NACC2: variants seen among roughly 807,000 people sequenced by gnomAD.
The protein encoded by NACC2 is nucleus accumbens-associated protein 2.
A neutral mutation model predicts 25.1 loss-of-function variants in NACC2; 8 were observed. The ratio of observed to expected loss-of-function variants is 0.32; its 90% confidence interval spans 0.19 to 0.57. The LOEUF (loss-of-function observed/expected upper bound fraction) is 0.57, where lower values mean the gene tolerates loss of function less well. NACC2 is among the 20% of genes least tolerant of loss of function. NACC2 has a pLI of 0.89. For synonymous variants in NACC2, 435 were observed against 294.7 expected (o/e 1.48, Z -4.88); for missense variants, 644 against 650.2 (o/e 0.99, Z 0.10).
chr9:136,049,000 T>C (rs1051879676), intron 2 of NACC2, among the ~76,000 whole-genome samples: 6 of 152,226 alleles, frequency 3.9e-5, no homozygotes, highest in Non-Finnish European at 7.3e-5. Flanking sequence ...CACCCGATCC[T>C]GGGCACCAAC....
rs1483986743 is a variant in NACC2 at position 136,086,138 on chromosome 9, C to T, written c.-60+9051G>A. ...AGAAAACCAAGTCACCCCTGGGGAC[C>T]CTTGTTGGACATTCTAAAAACCTTC... On this transcript the variant is annotated intron_variant, in intron 1 of 5. Transcript: ENST00000277554. This position sits in a 1 kb window ranked among gnomAD's most constrained non-coding sequence, Gnocchi z 5.6. Among the ~76,000 whole-genome samples, 1 of 152,224 alleles carries T rather than the reference C, an allele frequency of 6.6e-6. No homozygotes were observed. The highest frequency in any genetic ancestry group is 1.5e-5 in the Non-Finnish European group (1 of 68,032).
intron 1 of NACC2, among the ~76,000 whole-genome samples, chr9:136,075,314 G>A (rs993299664): frequency 6.6e-6 from 1 of 152,248 alleles, no homozygotes; most frequent in Non-Finnish European, 1.5e-5. Flanking sequence ...CCGCCTGGCT[G>A]GGATACTTGG....
At chr9:136,065,328 T>A (rs1481498426) in intron 1 of NACC2, among the ~76,000 whole-genome samples, 1 of 151,870 alleles carries the variant, frequency 6.6e-6, no homozygotes, top group Non-Finnish European at 1.5e-5. Context: ...CTACAAAAAA[T>A]AAATAATTAG....
rs1165648140 is a variant in NACC2 at position 136,007,269 on chromosome 9, A to G, written c.*4247T>C. 2 of 154,426 alleles carry G rather than the reference A, an allele frequency of 1.3e-5. No homozygotes were observed. The highest frequency in any genetic ancestry group is 4.8e-5 in the African/African-American group (2 of 41,538). The allele number at this position is 154,426 out of a possible 1,614,324, so 9.6% of individuals were successfully genotyped here. A position where few individuals can be genotyped will look rare whatever the true frequency, so the allele number is the denominator to read the frequency against. On this transcript the variant is annotated 3_prime_UTR_variant, in exon 6 of 6. Coordinates refer to ENST00000277554, the MANE Select transcript of NACC2 (RefSeq NM_144653.5). ...CTTTTTCCAAAGAAACAAAACAAAC[A>G]AACACGAAAAACCTTTGCCATTTTA...
In NACC2 at chr9:136,009,754, CG is replaced by C. The variant is rs1247167799; in HGVS notation, c.*1761del. On this transcript the variant is annotated 3_prime_UTR_variant, in exon 6 of 6. Transcript: ENST00000277554. ...GGTGCAGCACATGGTCCTCCCCTAGCGGAGGCGGCCTCCGCTTGATGGGTTG... is the reference window on the plus strand; with the variant it reads ...GGTGCAGCACATGGTCCTCCCCTAGCGAGGCGGCCTCCGCTTGATGGGTTG... The C allele has an allele frequency of 6.6e-6, 1 of 152,282 alleles. No individual in the cohort carries two copies. Among genetic ancestry groups the C allele is most frequent in the Non-Finnish European group, 1.5e-5 (1 of 68,176 alleles). 9.4% of individuals were successfully genotyped at this position (152,282 alleles called of 1,614,324 possible).
chr9:136,048,118 G>A (rs1378299259), intron 2 of NACC2, among the ~76,000 whole-genome samples: 3 of 152,224 alleles, frequency 2.0e-5, no homozygotes, highest in Non-Finnish European at 2.9e-5. Context: ...TGCCATCAAT[G>A]GGGGATGTCC....
chr9:136,019,279 G>A lies in NACC2; in HGVS notation c.887-2850C>T, dbSNP rs761689478. 7.2e-5 allele frequency: 11 copies of A among 152,234 alleles called. No homozygotes were observed. Among genetic ancestry groups the A allele is most frequent in the South Asian group, 2.1e-4 (1 of 4,834 alleles). 9.4% of individuals were successfully genotyped at this position (152,234 alleles called of 1,614,324 possible). ...GGACGGCTCATCCCTCGTGGCCCCC[G>A]GAAGGGCCATTCAGAGGCCCCGTGA... On this transcript the variant is annotated intron_variant, in intron 2 of 5. Coordinates refer to ENST00000277554, the MANE Select transcript of NACC2 (RefSeq NM_144653.5). The surrounding 1 kb of genome is among the most constrained non-coding windows in gnomAD (Gnocchi z 5.2).
At chr9:136,050,659 T>TC in intron 1 of NACC2, 79 bp from the exon 2 acceptor site, 1 of 650,314 alleles carries the variant, frequency 1.5e-6, no homozygotes, top group Non-Finnish European at 2.8e-6. Context: ...CACCCCCTCC[T>TC]CCCCCGCCGG....
intron 1 of NACC2, among the ~76,000 whole-genome samples, chr9:136,078,788 G>T (rs976281053): frequency 6.6e-6 from 1 of 152,208 alleles, no homozygotes; most frequent in African/African-American, 2.4e-5. Context: ...GCCGCATCCT[G>T]GTCCCCAGTA....
At chr9:136,076,351 C>T (rs4842102) in intron 1 of NACC2, among the ~76,000 whole-genome samples, 34,120 of 152,014 alleles carry the variant, frequency 0.22, 4,100 homozygotes, top group East Asian at 0.41. Flanking sequence ...AGGTTTCCTG[C>T]CCATACCACG....
chr9:136,031,729 T>G (rs1840476526), intron 2 of NACC2, among the ~76,000 whole-genome samples: 1 of 152,238 alleles, frequency 6.6e-6, no homozygotes, highest in African/African-American at 2.4e-5. Flanking sequence ...CTTGTGAACA[T>G]GGTGACACAA....
rs1022273793 is a variant in NACC2, at chr9:136,084,352, G to C, written c.-60+10837C>G. Among the ~76,000 whole-genome samples, 5 of 152,156 alleles carry C rather than the reference G, an allele frequency of 3.3e-5. No homozygotes were observed. The highest frequency in any genetic ancestry group is 6.5e-5 in the Admixed American group (1 of 15,286). On this transcript the variant is annotated intron_variant, in intron 1 of 5. Coordinates refer to ENST00000277554, the MANE Select transcript of NACC2 (RefSeq NM_144653.5). The surrounding 1 kb of genome is among the most constrained non-coding windows in gnomAD (Gnocchi z 5.1). ...CTGGGGCCTTCACCAAAGGCGGGTT[G>C]CTGGAGGGCTGCTTCCGAGACTCAT...
chr9:136,091,824 G>A (rs62583532), intron 1 of NACC2, among the ~76,000 whole-genome samples: 35,128 of 150,324 alleles, frequency 0.23, 4,734 homozygotes, highest in East Asian at 0.44. Context: ...TGAGAGCAAG[G>A]ATTTGCTTAA....
chr9:136,064,233 G>T (rs1188141801), intron 1 of NACC2, among the ~76,000 whole-genome samples: 1 of 152,118 alleles, frequency 6.6e-6, no homozygotes, highest in Non-Finnish European at 1.5e-5. Flanking sequence ...AGGCTGCAGT[G>T]AACTATGACT....
rs753477800 is a variant in NACC2, at chr9:136,013,118, C to A, written c.1255+81G>T. The A allele has an allele frequency of 4.7e-6, 6 of 1,278,468 alleles. No individual in the cohort carries two copies. In the South Asian group the frequency reaches 6.7e-5, roughly 14 times the overall value. The allele number at this position is 1,278,468 out of a possible 1,614,324, so 79.2% of individuals were successfully genotyped here. A position where few individuals can be genotyped will look rare whatever the true frequency, so the allele number is the denominator to read the frequency against. Reference sequence around the variant, plus strand: ...AGCTGCAGGTGGCCGGGAGCACCCCCGCGGCCCACCCAGTCCTCCTCAGGC... The same window carrying A: ...AGCTGCAGGTGGCCGGGAGCACCCCAGCGGCCCACCCAGTCCTCCTCAGGC... On this transcript the variant is annotated intron_variant, in intron 5 of 5. Coordinates refer to ENST00000277554, the MANE Select transcript of NACC2 (RefSeq NM_144653.5). This position sits in a 1 kb window ranked among gnomAD's most constrained non-coding sequence, Gnocchi z 6.6.
At chr9:136,087,482 G>A (rs1410412921) in intron 1 of NACC2, among the ~76,000 whole-genome samples, 4 of 152,322 alleles carry the variant, frequency 2.6e-5, no homozygotes, top group East Asian at 1.9e-4. Flanking sequence ...CGCAGGGGTC[G>A]GGCCAGCCCC....
chr9:136,039,735 T>C (rs1840601037), intron 2 of NACC2, among the ~76,000 whole-genome samples: 2 of 152,240 alleles, frequency 1.3e-5, no homozygotes, highest in South Asian at 2.1e-4. Context: ...CAAAATCACT[T>C]GCATAGATAG....
intron 1 of NACC2, among the ~76,000 whole-genome samples, chr9:136,071,236 C>CA (rs1017812162): frequency 1.7e-4 from 26 of 149,746 alleles, no homozygotes; most frequent in Admixed American, 4.7e-4. Flanking sequence ...GACTACGTCT[C>CA]AAAAAAAATA....
At chr9:136,037,797 C>G (rs977437472) in intron 2 of NACC2, among the ~76,000 whole-genome samples, 2 of 152,058 alleles carry the variant, frequency 1.3e-5, no homozygotes, top group African/African-American at 4.8e-5. Context: ...GCATGAACTA[C>G]TGTGCTTGGC....
Sources: gnomAD v4.1 joint callset for allele counts (sites outside exome capture counted in the v4.1 genomes callset) on GRCh38, gnomAD v4.1.1 for gene constraint, Gnocchi (gnomAD v3.1) non-coding constraint, MANE v1.5 for transcripts, NCBI Gene and HGNC (gene_info 2026-07-23, HGNC 2026-07-21) for gene names.